EIF2AK3: variants seen among roughly 807,000 people sequenced by gnomAD.
EIF2AK3 encodes eukaryotic translation initiation factor 2 alpha kinase 3.
EIF2AK3 carries 50 observed loss-of-function variants against 113.5 expected under a neutral mutation model. The ratio of observed to expected loss-of-function variants is 0.44; its 90% CI spans 0.35 to 0.56. The LOEUF (loss-of-function observed/expected upper bound fraction) is 0.56. Among genes scored for constraint, EIF2AK3 ranks in the 20% least tolerant of loss-of-function variants. The pLI is 0.00. For missense variants in EIF2AK3, 1,185 were observed against 1,378.0 expected, an observed-to-expected ratio of 0.86 and a Z score of 2.22; for synonymous variants, 448 against 495.4, an observed-to-expected ratio of 0.90 and a Z score of 1.27.
intron 3 of EIF2AK3, 113 bp downstream of exon 3, chr2:88,595,356 T>C: frequency 9.3e-7 from 1 of 1,078,976 alleles, no homozygotes; most frequent in Non-Finnish European, 1.4e-6. Flanking sequence ...AATGACAACC[T>C]CAGGGGAAAA....
intron 12 of EIF2AK3, among the ~76,000 whole-genome samples, chr2:88,575,914 T>C (rs1573393969): frequency 6.6e-6 from 1 of 152,226 alleles, no homozygotes; most frequent in Non-Finnish European, 1.5e-5. Flanking sequence ...TAGGTAGGAG[T>C]TTCACTCCAG....
intron 4 of EIF2AK3, among the ~76,000 whole-genome samples, chr2:88,591,451 A>T (rs967484789): frequency 2.6e-5 from 4 of 152,240 alleles, no homozygotes; most frequent in African/African-American, 9.6e-5. Flanking sequence ...CATTAAGTGC[A>T]GCAAAATTAA....
At chr2:88,562,817 C>T (rs1484951899) in intron 14 of EIF2AK3, among the ~76,000 whole-genome samples, 1 of 152,160 alleles carries the variant, frequency 6.6e-6, no homozygotes, top group Non-Finnish European at 1.5e-5. Flanking sequence ...TACTCCAAAC[C>T]ACTAATCAAC....
At position 88,601,834 on chromosome 2, in the gene EIF2AK3, C is replaced by CTTTTTTTTTTTTTTTTTTTTT. The variant is rs59987968; in HGVS notation, c.439-6192_439-6172dup. On this transcript the variant is annotated intron_variant, in intron 2 of 16. Coordinates refer to ENST00000303236, the MANE Select transcript of EIF2AK3 (RefSeq NM_004836.7). ...TCTGCATTTATTAGTTAAGATTTTT[C>CTTTTTTTTTTTTTTTTTTTTT]TTTTTTTTTTTTTTTTTTTTTGCTT... Among the ~76,000 whole-genome samples the CTTTTTTTTTTTTTTTTTTTTT allele has an allele frequency of 4.1e-3, 304 of 74,892 alleles. 1 individual carries two copies. The highest frequency in any genetic ancestry group is 4.4e-3 in the Non-Finnish European group (180 of 40,512). The allele number at this position is 74,892 out of a possible 152,430, so 49.1% of individuals were successfully genotyped here.
At position 88,583,574 on chromosome 2, in the gene EIF2AK3, T is replaced by C. The variant is rs574706105; in HGVS notation, c.1651-32A>G. The C allele has an allele frequency of 8.6e-6, 13 of 1,510,800 alleles. No individual in the cohort carries two copies. The East Asian group carries it at 2.7e-4, about 32-fold the overall frequency. The allele number at this position is 1,510,800 out of a possible 1,614,324, so 93.6% of individuals were successfully genotyped here. On this transcript the variant is annotated intron_variant, in intron 9 of 16. Coordinates refer to ENST00000303236, the MANE Select transcript of EIF2AK3 (RefSeq NM_004836.7). ...AGGTGAAAAACAAAATCACTACCAG[T>C]ACAAAGCTGAACTGAAGTTAGCTAA...
At chr2:88,581,101 TAACAG>T (rs1322397038) in intron 10 of EIF2AK3, among the ~76,000 whole-genome samples, 1 of 151,616 alleles carries the variant, frequency 6.6e-6, no homozygotes, top group Non-Finnish European at 1.5e-5. Context: ...AGCTGATAAA[TAACAG>T]AGCTGAGATT....
At chr2:88,563,853 C>G (rs529862770) in intron 14 of EIF2AK3, among the ~76,000 whole-genome samples, 1 of 152,172 alleles carries the variant, frequency 6.6e-6, no homozygotes. Flanking sequence ...TAGATATACA[C>G]ACACACAGAG....
At chr2:88,576,209 G>C (rs1290348363) in intron 12 of EIF2AK3, among the ~76,000 whole-genome samples, 1 of 152,108 alleles carries the variant, frequency 6.6e-6, no homozygotes, top group Admixed American at 6.6e-5. Context: ...ACAATGTATA[G>C]AGTCCTATCA....
intron 14 of EIF2AK3, among the ~76,000 whole-genome samples, chr2:88,565,426 C>T (rs1674087693): frequency 1.3e-5 from 2 of 151,774 alleles, no homozygotes; most frequent in South Asian, 4.2e-4. Context: ...CTGCAACCTC[C>T]ACCTCCCAGC....
chr2:88,586,793 T>A (rs1573402420), intron 8 of EIF2AK3, among the ~76,000 whole-genome samples: 1 of 151,180 alleles, frequency 6.6e-6, no homozygotes, highest in Non-Finnish European at 1.5e-5. Context: ...GGTTTCACCA[T>A]GTTGGCCAGG....
chr2:88,567,950 A>G (rs1179792488), intron 14 of EIF2AK3, among the ~76,000 whole-genome samples: 5 of 152,138 alleles, frequency 3.3e-5, no homozygotes, highest in African/African-American at 1.2e-4. Context: ...GACTCTTAAT[A>G]TGTAAAAATG....
chr2:88,619,428 A>G lies in EIF2AK3; in HGVS notation c.309-5575T>C, dbSNP rs1449161719. Among the ~76,000 whole-genome samples the G allele has an allele frequency of 5.9e-5, 9 of 152,306 alleles. No homozygotes were observed. In the East Asian group the frequency reaches 1.7e-3, roughly 29 times the overall value. On this transcript the variant is annotated intron_variant, in intron 1 of 16. Transcript: ENST00000303236. Reference sequence around the variant, plus strand: ...CAGCCCCCAAACCTGTACAGGATTTATAGTTCACCATCTCTCCCCTATCCT... The same window carrying G: ...CAGCCCCCAAACCTGTACAGGATTTGTAGTTCACCATCTCTCCCCTATCCT...
rs1235712915 is a variant in EIF2AK3 at position 88,574,933 on chromosome 2, TTCA to T, written c.2547_2549del (p.Glu850del). On this transcript the variant is annotated inframe_deletion, in exon 13 of 17. Coordinates refer to ENST00000303236, the MANE Select transcript of EIF2AK3 (RefSeq NM_004836.7). ...TTGGAGGAGAAATAGACAATGTAGC[TTCA>T]GAAGAAGATTTGCTACTGGTGGGCT... The T allele has an allele frequency of 2.5e-6, 4 of 1,614,188 alleles. No individual in the cohort carries two copies. The highest frequency in any genetic ancestry group is 3.4e-6 in the Non-Finnish European group (4 of 1,180,026).
At chr2:88,611,054 AT>A (rs1236940046) in intron 2 of EIF2AK3, among the ~76,000 whole-genome samples, 2 of 152,168 alleles carry the variant, frequency 1.3e-5, no homozygotes, top group Non-Finnish European at 1.5e-5. Context: ...GCCCTCAATA[AT>A]TTTTTAGAGT....
intron 10 of EIF2AK3, 115 bp from the exon 11 acceptor site, chr2:88,579,755 T>A: frequency 1.1e-6 from 1 of 945,578 alleles, no homozygotes; most frequent in Non-Finnish European, 1.6e-6. Flanking sequence ...AGAACTCATC[T>A]TAATAAATAG....
chr2:88,618,558 G>C (rs138385721), intron 1 of EIF2AK3, among the ~76,000 whole-genome samples: 5,925 of 152,254 alleles, frequency 0.039, 139 homozygotes, highest in Non-Finnish European at 0.051. Flanking sequence ...AGGTTCCCAC[G>C]TCTCATCCTA....
chr2:88,593,968 G>T, intron 3 of EIF2AK3: 2 of 990,762 alleles, frequency 2.0e-6, no homozygotes, highest in Non-Finnish European at 2.4e-6. Flanking sequence ...CCAGGTGATC[G>T]GGTTCAATCC....
intron 4 of EIF2AK3, 79 bp downstream of exon 4, chr2:88,593,193 C>T: frequency 6.4e-7 from 1 of 1,567,000 alleles, no homozygotes; most frequent in African/African-American, 1.4e-5. Context: ...TCAAAATCTC[C>T]ACAAACAGAA....
At chr2:88,577,095 T>C (rs1371321973) in intron 11 of EIF2AK3, among the ~76,000 whole-genome samples, 1 of 151,946 alleles carries the variant, frequency 6.6e-6, no homozygotes, top group African/African-American at 2.4e-5. Flanking sequence ...GTGATTCTCA[T>C]GCCTCAGCCT....
Sources: allele counts gnomAD v4.1 joint callset (sites outside exome capture counted in the v4.1 genomes callset), GRCh38; gene constraint gnomAD v4.1.1; transcripts MANE v1.5; gene names NCBI Gene and HGNC (gene_info 2026-07-23, HGNC 2026-07-21).